The following NRXN3 variants were observed in gnomAD, a reference collection of about 807,000 sequenced individuals.
The protein encoded by NRXN3 is neurexin III.
A neutral mutation model predicts 137.6 loss-of-function variants in NRXN3; 32 were observed. That is an observed-to-expected ratio of 0.23 (90% CI 0.18 to 0.31). The LOEUF is 0.31. Ranked by LOEUF, NRXN3 falls within the 10% of genes least tolerant of loss-of-function variation. The pLI, the probability that NRXN3 is intolerant of heterozygous loss-of-function variation, is 1.00. For missense variants in NRXN3, 1,574 were observed against 2,062.5 expected (o/e 0.76, Z 4.59); for synonymous variants, 798 against 784.5 (o/e 1.02, Z -0.29).
At chr14:78,736,683 C>A (rs1476681945) in intron 8 of NRXN3, among the ~76,000 whole-genome samples, 1 of 152,128 alleles carries the variant, frequency 6.6e-6, no homozygotes, top group Non-Finnish European at 1.5e-5. Flanking sequence ...TTATGAAGTG[C>A]CTATTCTGTT....
chr14:79,046,885 G>C (rs1489473107), intron 15 of NRXN3, among the ~76,000 whole-genome samples: 1 of 152,160 alleles, frequency 6.6e-6, no homozygotes, highest in South Asian at 2.1e-4. Context: ...ATACAGTAGC[G>C]ATTTATTCTG....
At chr14:79,326,956 C>A (rs140463212) in intron 15 of NRXN3, among the ~76,000 whole-genome samples, 21 of 152,148 alleles carry the variant, frequency 1.4e-4, no homozygotes, top group African/African-American at 4.8e-4. Context: ...AAATGTGAAA[C>A]CTCTTTTTCA....
chr14:79,484,859 C>T lies in NRXN3; in HGVS notation c.3444+17457C>T, dbSNP rs555123600. Among the ~76,000 whole-genome samples the T allele has an allele frequency of 8.3e-4, 127 of 152,254 alleles. 4 individuals are homozygous for T. Among genetic ancestry groups the T allele is most frequent in the Non-Finnish European group, 2.6e-4 (18 of 68,010 alleles). The stretch of plus-strand genomic sequence containing the variant: ...CTGGGGCCCACATATTCAGATCTTT[C>T]GTACATATAATTTGCTATATAGCAT... On this transcript the variant is annotated intron_variant, in intron 16 of 20. Coordinates refer to ENST00000335750, the MANE Select transcript of NRXN3 (RefSeq NM_001330195.2).
chr14:78,200,564 T>C (rs537209095), intron 1 of NRXN3, among the ~76,000 whole-genome samples: 6 of 152,204 alleles, frequency 3.9e-5, no homozygotes, highest in Non-Finnish European at 8.8e-5. Context: ...CTGATGCACA[T>C]GGTTGAAAAC....
At chr14:79,286,523 G>T (rs961841991) in intron 15 of NRXN3, among the ~76,000 whole-genome samples, 12 of 140,526 alleles carry the variant, frequency 8.5e-5, no homozygotes, top group African/African-American at 2.6e-4. Context: ...TTGGTGAGAT[G>T]ATTGAGAGAA....
At chr14:79,198,247 T>C (rs2065416040) in intron 15 of NRXN3, among the ~76,000 whole-genome samples, 1 of 152,224 alleles carries the variant, frequency 6.6e-6, no homozygotes, top group African/African-American at 2.4e-5. Flanking sequence ...TTTGCATATA[T>C]TTAAAAGTTA....
chr14:78,312,475 A>G (rs2078084945), intron 4 of NRXN3, among the ~76,000 whole-genome samples: 1 of 152,186 alleles, frequency 6.6e-6, no homozygotes, highest in South Asian at 2.1e-4. Context: ...CTGTGATGAT[A>G]TTCACCAGGG....
At chr14:78,627,525 C>T (rs1239408926) in intron 4 of NRXN3, among the ~76,000 whole-genome samples, 6 of 152,106 alleles carry the variant, frequency 3.9e-5, no homozygotes, top group Admixed American at 6.5e-5. Context: ...GACTCTGGGA[C>T]GTTGATGGAA....
intron 10 of NRXN3, among the ~76,000 whole-genome samples, chr14:78,856,484 A>G (rs1299241391): frequency 6.6e-6 from 1 of 152,230 alleles, no homozygotes; most frequent in African/African-American, 2.4e-5. Context: ...TTGAAATAGC[A>G]ATTATTTTAT....
chr14:79,032,121 A>G (rs2099609253), intron 15 of NRXN3, among the ~76,000 whole-genome samples: 1 of 152,190 alleles, frequency 6.6e-6, no homozygotes, highest in African/African-American at 2.4e-5. Context: ...CATTAACCTT[A>G]ATAATACACT....
At chr14:78,655,989 G>A (rs993339453) in intron 6 of NRXN3, among the ~76,000 whole-genome samples, 3 of 152,122 alleles carry the variant, frequency 2.0e-5, no homozygotes, top group Admixed American at 6.5e-5. Context: ...TCCCACTCAT[G>A]AGGGACCTTC....
intron 10 of NRXN3, among the ~76,000 whole-genome samples, chr14:78,826,318 C>T (rs1433488274): frequency 6.6e-6 from 1 of 152,102 alleles, no homozygotes; most frequent in Non-Finnish European, 1.5e-5. Context: ...CCCCACGATT[C>T]TTTGTGTGGA....
chr14:79,020,086 A>G (rs1354222668), intron 15 of NRXN3, among the ~76,000 whole-genome samples: 1 of 151,172 alleles, frequency 6.6e-6, no homozygotes, highest in Non-Finnish European at 1.5e-5. Context: ...CTGGATATGG[A>G]TAAGGCTAGG....
At chr14:79,361,089 C>G (rs907294689) in intron 15 of NRXN3, among the ~76,000 whole-genome samples, 9 of 151,994 alleles carry the variant, frequency 5.9e-5, no homozygotes, top group Non-Finnish European at 1.2e-4. Flanking sequence ...AAGGGTAATT[C>G]GAGTACAGAG....
At chr14:79,713,757 C>T (rs939666354) in intron 19 of NRXN3, among the ~76,000 whole-genome samples, 2 of 149,714 alleles carry the variant, frequency 1.3e-5, no homozygotes, top group African/African-American at 2.5e-5. Context: ...TCAGTTTCAC[C>T]AATCATGTTC....
intron 20 of NRXN3, among the ~76,000 whole-genome samples, chr14:79,856,633 T>TC (rs1392072041): frequency 1.4e-5 from 2 of 142,640 alleles, no homozygotes; most frequent in Admixed American, 6.9e-5. Context: ...TTTTTTTTTT[T>TC]CCAAAGATAA....
At chr14:78,963,405 A>G (rs1016162874) in intron 11 of NRXN3, among the ~76,000 whole-genome samples, 1 of 151,850 alleles carries the variant, frequency 6.6e-6, no homozygotes, top group African/African-American at 2.4e-5. Flanking sequence ...CAGCATCATC[A>G]TAGTTCAGTT....
At chr14:79,857,511 C>T (rs920921178) in intron 20 of NRXN3, among the ~76,000 whole-genome samples, 5 of 152,108 alleles carry the variant, frequency 3.3e-5, no homozygotes, top group East Asian at 1.9e-4. Flanking sequence ...CGTGAGCCAC[C>T]GTGCCTGGCC....
chr14:79,360,722 T>G (rs2153416175), intron 15 of NRXN3, among the ~76,000 whole-genome samples: 1 of 152,314 alleles, frequency 6.6e-6, no homozygotes, highest in Non-Finnish European at 1.5e-5. Context: ...ATTATTTTTC[T>G]TAGGTAAACA....
Sources: allele counts gnomAD v4.1 joint callset (sites outside exome capture counted in the v4.1 genomes callset), GRCh38; gene constraint gnomAD v4.1.1; transcripts MANE v1.5; gene names NCBI Gene and HGNC (gene_info 2026-07-23, HGNC 2026-07-21).